KPNA5: variants seen among roughly 807,000 people sequenced by gnomAD.
KPNA5 encodes karyopherin subunit alpha 5.
In KPNA5, 46 loss-of-function variants were observed where a neutral mutation model predicts 71.3. That is an observed-to-expected ratio of 0.65 (90% CI 0.51 to 0.83). The LOEUF (loss-of-function observed/expected upper bound fraction) is 0.83. Ranked by LOEUF, KPNA5 falls within the 40% of genes least tolerant of loss-of-function variation. The pLI, the probability that KPNA5 is intolerant of heterozygous loss-of-function variation, is 0.00. For missense variants in KPNA5, 547 were observed against 628.3 expected, an observed-to-expected ratio of 0.87 and a Z score of 1.38; for synonymous variants, 207 against 201.4, an observed-to-expected ratio of 1.03 and a Z score of -0.24.
At chr6:116,701,895 G>C (rs1438514443) in intron 5 of KPNA5, 124 bp from the exon 6 acceptor site, 1 of 700,914 alleles carries the variant, frequency 1.4e-6, no homozygotes, top group East Asian at 3.1e-5. Context: ...ACTTCACAAT[G>C]AATCTTAATA....
chr6:116,697,084 A>G (rs912289799), intron 4 of KPNA5, among the ~76,000 whole-genome samples: 4 of 152,072 alleles, frequency 2.6e-5, no homozygotes, highest in African/African-American at 9.7e-5. Context: ...AGAGCAAGAC[A>G]AAATTTCTGT....
chr6:116,691,257 G>A (rs766266908), intron 2 of KPNA5, among the ~76,000 whole-genome samples: 17 of 152,100 alleles, frequency 1.1e-4, no homozygotes, highest in Non-Finnish European at 1.5e-4. Flanking sequence ...AATAAAATAT[G>A]TATTATTTTT....
At chr6:116,691,957 A>T in intron 2 of KPNA5, 98 bp from the exon 3 acceptor site, 2 of 743,036 alleles carry the variant, frequency 2.7e-6, no homozygotes, top group Non-Finnish European at 4.7e-6. Flanking sequence ...TAAAATTGAT[A>T]GGTTTCTTTT....
chr6:116,728,166 A>G (rs1434713676), intron 12 of KPNA5, among the ~76,000 whole-genome samples: 1 of 152,112 alleles, frequency 6.6e-6, no homozygotes. Context: ...ACAAGCAGTA[A>G]TAAATGAAGA....
At chr6:116,693,447 A>G (rs1294530815) in intron 4 of KPNA5, among the ~76,000 whole-genome samples, 4 of 152,298 alleles carry the variant, frequency 2.6e-5, no homozygotes, top group Admixed American at 2.0e-4. Context: ...GTGAGATGGT[A>G]TCTCATTGTG....
chr6:116,726,827 G>A (rs1395147389), intron 12 of KPNA5, among the ~76,000 whole-genome samples: 3 of 151,556 alleles, frequency 2.0e-5, no homozygotes, highest in Non-Finnish European at 4.4e-5. Flanking sequence ...TCCTTGATAG[G>A]CTGCTTAAGA....
intron 1 of KPNA5, among the ~76,000 whole-genome samples, chr6:116,688,287 G>A (rs1173590462): frequency 6.6e-6 from 1 of 152,074 alleles, no homozygotes; most frequent in Non-Finnish European, 1.5e-5. Flanking sequence ...TATCAGGGAT[G>A]GCAGACAGAT....
chr6:116,732,314 T>C lies in KPNA5; in HGVS notation c.1611T>C (p.Phe537=). 6.7e-7 allele frequency: 1 copy of C among 1,499,152 alleles called. No individual in the cohort carries two copies. The highest frequency in any genetic ancestry group is 1.4e-5 in the South Asian group (1 of 70,370). The allele number at this position is 1,499,152 out of a possible 1,614,324, so 92.9% of individuals were successfully genotyped here. A position where few individuals can be genotyped will look rare whatever the true frequency, so the allele number is the denominator to read the frequency against. ...FQQQEAPMDG[F]QL Reference sequence around the variant, plus strand: ...AGCAGGAAGCACCAATGGATGGATTTCAACTTTAACTTACTGGAGGAAAAA... The same window carrying C: ...AGCAGGAAGCACCAATGGATGGATTCCAACTTTAACTTACTGGAGGAAAAA... The change falls in exon 14 of 14, where the codon TTT becomes TTC. Residue 537 remains phenylalanine, a synonymous_variant. Coordinates refer to ENST00000368564, the MANE Select transcript of KPNA5 (RefSeq NM_001366306.2).
At chr6:116,682,482 C>G (rs1367396872) in intron 1 of KPNA5, among the ~76,000 whole-genome samples, 1 of 152,136 alleles carries the variant, frequency 6.6e-6, no homozygotes, top group Non-Finnish European at 1.5e-5. Flanking sequence ...CTTGGTAGGT[C>G]AGGAGCAACT....
intron 9 of KPNA5, among the ~76,000 whole-genome samples, chr6:116,723,073 A>G (rs1216122315): frequency 6.6e-6 from 1 of 152,198 alleles, no homozygotes; most frequent in Non-Finnish European, 1.5e-5. Context: ...TGAGCAGATA[A>G]GCAGGCTGGA....
intron 1 of KPNA5, among the ~76,000 whole-genome samples, chr6:116,683,190 A>T (rs1023295053): frequency 1.3e-5 from 2 of 152,194 alleles, no homozygotes; most frequent in African/African-American, 4.8e-5. Flanking sequence ...ATTCTTAAAA[A>T]TTTCTGTTTT....
intron 1 of KPNA5, among the ~76,000 whole-genome samples, chr6:116,684,205 G>C (rs753373237): frequency 6.6e-5 from 10 of 151,948 alleles, no homozygotes; most frequent in Non-Finnish European, 1.5e-4. Flanking sequence ...GAGCTACCCC[G>C]CCCGGCCATA....
chr6:116,694,928 A>G (rs1043471403), intron 4 of KPNA5, among the ~76,000 whole-genome samples: 1 of 152,054 alleles, frequency 6.6e-6, no homozygotes, highest in South Asian at 2.1e-4. Context: ...TCATTTTACT[A>G]TTTTTATGAA....
Position 116,701,847 on chromosome 6 carries a change from A to G in KPNA5, c.436-172A>G, listed in dbSNP as rs146024964. On this transcript the variant is annotated intron_variant, in intron 5 of 13. Transcript: ENST00000368564. ...CTGTAATCAGTGATCTTTGATGACA[A>G]TTACTTTTTTTTCTATGAGTTTTTA... is the stretch of plus-strand genomic sequence containing the variant. Among the ~76,000 whole-genome samples, 1,154 of 152,212 alleles carry G rather than the reference A, an allele frequency of 7.6e-3. 19 individuals carry two copies. Among genetic ancestry groups the G allele is most frequent in the African/African-American group, 0.025 (1,021 of 41,536 alleles).
At chr6:116,685,845 T>C (rs1453707526) in intron 1 of KPNA5, among the ~76,000 whole-genome samples, 1 of 152,154 alleles carries the variant, frequency 6.6e-6, no homozygotes, top group Non-Finnish European at 1.5e-5. Context: ...TATTTTTAGC[T>C]CTTTGAGGAA....
intron 7 of KPNA5, among the ~76,000 whole-genome samples, chr6:116,706,517 C>CATGTTT (rs1438574561): frequency 1.8e-4 from 28 of 152,094 alleles, no homozygotes; most frequent in African/African-American, 6.7e-4. Context: ...TGGAGAAACC[C>CATGTTT]CGTCTCTACT....
chr6:116,716,160 T>A, intron 7 of KPNA5, 59 bp from the exon 8 acceptor site: 1 of 1,263,236 alleles, frequency 7.9e-7, no homozygotes, highest in Non-Finnish European at 1.1e-6. Context: ...TGTATTATGA[T>A]AGCTAAAGAG....
intron 7 of KPNA5, among the ~76,000 whole-genome samples, chr6:116,712,438 T>C (rs1161577300): frequency 6.6e-6 from 1 of 152,244 alleles, no homozygotes; most frequent in Non-Finnish European, 1.5e-5. Context: ...GAAAATCTTT[T>C]TCTATTTCAC....
intron 7 of KPNA5, among the ~76,000 whole-genome samples, chr6:116,711,908 A>G (rs1778703275): frequency 6.6e-6 from 1 of 152,228 alleles, no homozygotes; most frequent in African/African-American, 2.4e-5. Context: ...GGCGTGAGCC[A>G]CTGCGCTAGG....
Sources: allele counts gnomAD v4.1 joint callset (sites outside exome capture counted in the v4.1 genomes callset), GRCh38; gene constraint gnomAD v4.1.1; transcripts MANE v1.5; gene names NCBI Gene and HGNC (gene_info 2026-07-23, HGNC 2026-07-21).